Variants in USP3 observed in about 807,000 individuals in gnomAD.
The protein encoded by USP3 is ubiquitin carboxyl-terminal hydrolase 3.
USP3 carries 20 observed loss-of-function variants against 72.3 expected under a neutral mutation model. The ratio of observed to expected loss-of-function variants is 0.28; its 90% confidence interval spans 0.19 to 0.40. The LOEUF (loss-of-function observed/expected upper bound fraction) is 0.40. Ranked by LOEUF, USP3 falls within the 10% of genes least tolerant of loss-of-function variation. The probability of loss-of-function intolerance (pLI) is 1.00; values close to 1 mark genes in which losing one functional copy is unlikely to be tolerated. For missense variants in USP3, 479 were observed against 633.9 expected (o/e 0.76, Z 2.62); for synonymous variants, 222 against 225.3 (o/e 0.99, Z 0.13).
intron 1 of USP3, among the ~76,000 whole-genome samples, chr15:63,521,768 T>C (rs574326979): frequency 1.3e-5 from 2 of 152,308 alleles, no homozygotes; most frequent in Admixed American, 1.3e-4. Flanking sequence ...AACTGTTGAG[T>C]GGCCACTCCC....
At chr15:63,542,332 C>G (rs1229248689) in intron 3 of USP3, 1 of 350,464 alleles carries the variant, frequency 2.9e-6, no homozygotes. Flanking sequence ...TGACTGCTAG[C>G]TACTATTGGA....
intron 4 of USP3, among the ~76,000 whole-genome samples, chr15:63,554,901 A>T (rs2066486596): frequency 6.6e-6 from 1 of 152,144 alleles, no homozygotes; most frequent in Admixed American, 6.5e-5. Flanking sequence ...CCTATCTAGG[A>T]TTAGAGACAG....
chr15:63,575,158 G>GT (rs11321018), intron 11 of USP3, among the ~76,000 whole-genome samples: 3,311 of 121,442 alleles, frequency 0.027, 68 homozygotes, highest in Middle Eastern at 0.1. Context: ...TGTCATGATG[G>GT]TTTTTTTTTT....
rs374339244 is a variant in USP3, at chr15:63,529,578, A to G, written c.92-3069A>G. 6.6e-6 allele frequency among the ~76,000 whole-genome samples: 1 copy of G among 152,338 alleles called. No individual in the cohort carries two copies. Among genetic ancestry groups the G allele is most frequent in the East Asian group, 1.9e-4 (1 of 5,186 alleles). ...AGCCTTGTGAGATAGTTGATATTAT[A>G]AGACTAGCTTTATAATACCCTGTTC... On this transcript the variant is annotated intron_variant, in intron 1 of 14. Coordinates refer to ENST00000380324, the MANE Select transcript of USP3 (RefSeq NM_006537.4). The surrounding 1 kb of genome is among the most constrained non-coding windows in gnomAD (Gnocchi z 4.2).
In USP3 at chr15:63,588,313, C is replaced by G; in HGVS notation, c.1105C>G (p.Arg369Gly). The G allele has an allele frequency of 6.3e-7, 1 of 1,593,292 alleles. No individual in the cohort carries two copies. The highest frequency in any genetic ancestry group is 8.5e-7 in the Non-Finnish European group (1 of 1,174,258). Residue 369 changes from arginine to glycine, a missense_variant, in exon 12 of 15, where the codon CGC becomes GGC. Transcript: ENST00000380324. The surrounding 1 kb of genome is among the most constrained non-coding windows in gnomAD (Gnocchi z 4.6). Reference sequence around the variant, plus strand: ...AAAATCAATTTGTTTAGATTGTCTTCGCAGTTTTACCGACTTAGAAGAACT... The same window carrying G: ...AAAATCAATTTGTTTAGATTGTCTTGGCAGTTTTACCGACTTAGAAGAACT... ...GPVCSLRDCLRSFTDLEELDE... is the reference protein window; with the variant it reads ...GPVCSLRDCLGSFTDLEELDE...
At chr15:63,584,319 G>A (rs918567154) in intron 11 of USP3, among the ~76,000 whole-genome samples, 29 of 151,934 alleles carry the variant, frequency 1.9e-4, no homozygotes, top group African/African-American at 6.3e-4. Flanking sequence ...TGATGGTCTC[G>A]ATCCTCCTGA....
intron 1 of USP3, among the ~76,000 whole-genome samples, chr15:63,512,768 G>T (rs2065807651): frequency 1.3e-5 from 2 of 152,182 alleles, no homozygotes; most frequent in African/African-American, 4.8e-5. Context: ...ATACAAGGAA[G>T]TGTATCTTTT....
At position 63,545,927 on chromosome 15, in the gene USP3, C is replaced by T. The variant is rs182193765; in HGVS notation, c.285-7788C>T. Among the ~76,000 whole-genome samples, 510 of 142,874 alleles carry T rather than the reference C, an allele frequency of 3.6e-3. 2 individuals carry two copies. Among genetic ancestry groups the T allele is most frequent in the Middle Eastern group, 7.3e-3 (2 of 274 alleles). 93.7% of individuals were successfully genotyped at this position (142,874 alleles called of 152,430 possible). A position where few individuals can be genotyped will look rare whatever the true frequency, so the allele number is the denominator to read the frequency against. On this transcript the variant is annotated intron_variant, in intron 3 of 14. Transcript: ENST00000380324. ...CGGAGGTTACAGTGAGTTGAGATCA[C>T]GCCATTGCACTCCAGCCTGGGTGAC...
At chr15:63,520,163 TTA>T (rs1314896192) in intron 1 of USP3, among the ~76,000 whole-genome samples, 10 of 152,174 alleles carry the variant, frequency 6.6e-5, no homozygotes, top group African/African-American at 2.4e-4. Flanking sequence ...CTACATCTGT[TTA>T]TGTCTGTGTG....
intron 1 of USP3, among the ~76,000 whole-genome samples, chr15:63,520,078 T>C (rs2065899752): frequency 6.6e-6 from 1 of 152,162 alleles, no homozygotes; most frequent in South Asian, 2.1e-4. Context: ...CTCATTCTTT[T>C]TGGCTGGGAA....
chr15:63,544,674 G>T lies in USP3; in HGVS notation c.284+7518G>T, dbSNP rs2066294648. On this transcript the variant is annotated intron_variant, in intron 3 of 14. Coordinates refer to ENST00000380324, the MANE Select transcript of USP3 (RefSeq NM_006537.4). The surrounding 1 kb of genome is among the most constrained non-coding windows in gnomAD (Gnocchi z 4.2). Reference sequence around the variant, plus strand: ...GTAAAGATGGAGATGACCGAATGAGGAATATTGTTTTGCCATTAAATAAGT... The same window carrying T: ...GTAAAGATGGAGATGACCGAATGAGTAATATTGTTTTGCCATTAAATAAGT... 1.4e-6 allele frequency: 1 copy of T among 701,180 alleles called. No homozygotes were observed. The highest frequency in any genetic ancestry group is 2.6e-6 in the Non-Finnish European group (1 of 384,390). The allele number at this position is 701,180 out of a possible 1,614,324, so 43.4% of individuals were successfully genotyped here.
intron 1 of USP3, chr15:63,530,567 C>T: frequency 2.4e-6 from 1 of 408,840 alleles, no homozygotes; most frequent in Non-Finnish European, 4.8e-6. Flanking sequence ...CCTGCCTCGG[C>T]CTCCCAAAGT....
chr15:63,589,757 C>G (rs2067150212), intron 14 of USP3, among the ~76,000 whole-genome samples: 1 of 152,154 alleles, frequency 6.6e-6, no homozygotes, highest in African/African-American at 2.4e-5. Context: ...TCCTGGATCT[C>G]CCTTCCACAT....
chr15:63,515,250 A>G (rs552167737), intron 1 of USP3, among the ~76,000 whole-genome samples: 1 of 152,352 alleles, frequency 6.6e-6, no homozygotes, highest in South Asian at 2.1e-4. Context: ...AATAGGTCTG[A>G]ATAAGTCTGA....
chr15:63,505,169 G>T (rs1351546257), intron 1 of USP3, among the ~76,000 whole-genome samples: 1 of 151,836 alleles, frequency 6.6e-6, no homozygotes, highest in Admixed American at 6.6e-5. Flanking sequence ...GGCTGTGCCC[G>T]TCCGTGTTGC....
intron 3 of USP3, among the ~76,000 whole-genome samples, chr15:63,547,820 G>C (rs2066366352): frequency 8.9e-6 from 1 of 112,388 alleles, no homozygotes. Flanking sequence ...GAGGCATAGA[G>C]AGAGAGAGAG....
rs918867442 is a variant in USP3, at chr15:63,553,965, A to G, written c.368+167A>G. 6.6e-5 allele frequency among the ~76,000 whole-genome samples: 10 copies of G among 152,194 alleles called. No individual in the cohort carries two copies. The highest frequency in any genetic ancestry group is 2.4e-4 in the African/African-American group (10 of 41,440). ...GCTTTGGATAGCTAAAACTTGGCCCATAGTTAATGGTCATAGCTGTGCATT... is the reference window on the plus strand; with the variant it reads ...GCTTTGGATAGCTAAAACTTGGCCCGTAGTTAATGGTCATAGCTGTGCATT... On this transcript the variant is annotated intron_variant, in intron 4 of 14. Transcript: ENST00000380324. The surrounding 1 kb of genome is among the most constrained non-coding windows in gnomAD (Gnocchi z 4.2).
In USP3 at chr15:63,525,674, A is replaced by G. The variant is rs11633598; in HGVS notation, c.92-6973A>G. On this transcript the variant is annotated intron_variant, in intron 1 of 14. Coordinates refer to ENST00000380324, the MANE Select transcript of USP3 (RefSeq NM_006537.4). ...ATTTCAGCATAGAATAGGCTTGTGA[A>G]CATGCAGTTCAGAGAGGATTTATAG... 3.9e-3 allele frequency among the ~76,000 whole-genome samples: 598 copies of G among 152,350 alleles called. 7 individuals carry two copies. Among genetic ancestry groups the G allele is most frequent in the Non-Finnish European group, 4.9e-3 (333 of 68,034 alleles).
Position 63,574,143 on chromosome 15 carries a change from C to A in USP3, c.1006C>A (p.Pro336Thr), listed in dbSNP as rs759254492. The change falls in exon 10 of 15, where the codon CCA becomes ACA. Residue 336 changes from proline (P) to threonine (T), a missense_variant. Transcript: ENST00000380324. The surrounding 1 kb of genome is among the most constrained non-coding windows in gnomAD (Gnocchi z 4.6). Reference sequence around the variant, plus strand: ...TGGGACAGAATCTAGAAAGTTTGATCCATTCCTAGGTAAGATATATGTGGC... The same window carrying A: ...TGGGACAGAATCTAGAAAGTTTGATACATTCCTAGGTAAGATATATGTGGC... ...ICGTESRKFD[P>T]FLDLSLDIPS... 6.3e-7 allele frequency: 1 copy of A among 1,588,346 alleles called. No homozygotes were observed. Among genetic ancestry groups the A allele is most frequent in the South Asian group, 1.2e-5 (1 of 84,374 alleles).
Sources: gnomAD v4.1 joint callset for allele counts (sites outside exome capture counted in the v4.1 genomes callset) on GRCh38, gnomAD v4.1.1 for gene constraint, Gnocchi (gnomAD v3.1) non-coding constraint, MANE v1.5 for transcripts, NCBI Gene and HGNC (gene_info 2026-07-23, HGNC 2026-07-21) for gene names.